The following CD300C variants were observed in gnomAD, a reference collection of about 807,000 sequenced individuals.
CD300C encodes the protein CMRF35-like molecule 6.
In CD300C, 11 loss-of-function variants were observed where a neutral mutation model predicts 18.4. The ratio of observed to expected loss-of-function variants is 0.60; its 90% CI spans 0.38 to 0.99. The LOEUF (loss-of-function observed/expected upper bound fraction) is 0.99, where lower values mean the gene tolerates loss of function less well. CD300C is among the 50% of genes least tolerant of loss of function. The pLI, the probability that CD300C is intolerant of heterozygous loss-of-function variation, is 0.01. For synonymous variants in CD300C, 116 were observed against 116.3 expected (o/e 1.00, Z 0.02); for missense variants, 277 against 287.4 (o/e 0.96, Z 0.26).
the CD300C span, among the ~76,000 whole-genome samples, chr17:74,534,764 A>G: frequency 6.6e-6 from 1 of 152,372 alleles, no homozygotes; most frequent in Admixed American, 6.5e-5. Flanking sequence ...TCACATTAAT[A>G]GAATAAAGAA....
At chr17:74,540,919 G>C (rs1908523687), downstream of CD300C, among the ~76,000 whole-genome samples, 1 of 152,160 alleles carries the variant, frequency 6.6e-6, no homozygotes, top group Non-Finnish European at 1.5e-5. Flanking sequence ...ACACTGGCCA[G>C]GATGTGTCTA....
chr17:74,537,597 C>G (rs1376407217), downstream of CD300C, among the ~76,000 whole-genome samples: 1 of 150,406 alleles, frequency 6.6e-6, no homozygotes, highest in Non-Finnish European at 1.5e-5. Flanking sequence ...CCACTGCACT[C>G]CAGCCTGGGT....
Position 74,544,822 on chromosome 17 carries a change from G to T in CD300C, c.187C>A (p.Leu63Ile), listed in dbSNP as rs1908694958. Residue 63 changes from leucine (L) to isoleucine (I), a missense_variant, in exon 2 of 4, where the codon CTC becomes ATC. Physicochemically the swap from Leu to Ile is conservative, Grantham distance 5. Transcript: ENST00000330793. ...GTCTCCACAATCTTGTCACATCGGA[G>T]AATCTGTGGTGGTCTGCACCAGAAT... ...NKFWCRPPQI[L>I]RCDKIVETKG... The T allele has an allele frequency of 1.2e-6, 2 of 1,614,122 alleles. No homozygotes were observed. Among genetic ancestry groups the T allele is most frequent in the Admixed American group, 1.7e-5 (1 of 60,010 alleles).
chr17:74,538,408 A>T (rs937598556), downstream of CD300C, among the ~76,000 whole-genome samples: 1 of 152,184 alleles, frequency 6.6e-6, no homozygotes, highest in East Asian at 1.9e-4. Context: ...GGACACGGTG[A>T]CAGGCAGTGA....
At position 74,541,650 on chromosome 17, in the gene CD300C, A is replaced by G; in HGVS notation, c.614T>C (p.Val205Ala). 1.2e-6 allele frequency: 2 copies of G among 1,613,932 alleles called. No individual in the cohort carries two copies. Among genetic ancestry groups the G allele is most frequent in the Non-Finnish European group, 1.7e-6 (2 of 1,179,870 alleles). Reference sequence around the variant, plus strand: ...TCTAGAGCTTCTCTGAGGTCTGTTCACCCAGAGGACGGCACCCAGCATGCT... The same window carrying G: ...TCTAGAGCTTCTCTGAGGTCTGTTCGCCCAGAGGACGGCACCCAGCATGCT... ...LLSMLGAVLWVNRPQRSSRSR... is the reference protein window; with the variant it reads ...LLSMLGAVLWANRPQRSSRSR... Residue 205 changes from valine to alanine, a missense_variant, in exon 4 of 4, where the codon GTG (valine) becomes GCG (alanine). Transcript: ENST00000330793.
At chr17:74,540,416 C>T (rs955946728), downstream of CD300C, among the ~76,000 whole-genome samples, 1 of 152,140 alleles carries the variant, frequency 6.6e-6, no homozygotes, top group Admixed American at 6.5e-5. Flanking sequence ...TTTCTATCCC[C>T]CACCTGGAAT....
intron 2 of CD300C, among the ~76,000 whole-genome samples, 158 bp from the exon 3 acceptor site, chr17:74,543,145 G>A (rs530695794): frequency 1.3e-5 from 2 of 152,348 alleles, no homozygotes; most frequent in East Asian, 3.9e-4. Context: ...GGCCTGACCA[G>A]GGTCCTGGGC....
downstream of CD300C, among the ~76,000 whole-genome samples, chr17:74,540,399 T>C (rs1433506097): frequency 6.6e-6 from 1 of 152,166 alleles, no homozygotes; most frequent in Non-Finnish European, 1.5e-5. Context: ...TTTGCATTTG[T>C]TTATCATTTC....
intron 1 of CD300C, among the ~76,000 whole-genome samples, chr17:74,545,247 TGTGA>T (rs781519438): frequency 2.6e-5 from 4 of 151,772 alleles, no homozygotes; most frequent in East Asian, 1.9e-4. Flanking sequence ...TGACTGTCTG[TGTGA>T]GTGTGACTGT....
At chr17:74,539,960 T>C (rs1908492295), downstream of CD300C, among the ~76,000 whole-genome samples, 1 of 152,228 alleles carries the variant, frequency 6.6e-6, no homozygotes, top group Non-Finnish European at 1.5e-5. Flanking sequence ...AACAAATTGC[T>C]TGTTGAATGA....
rs777381760 is a variant in CD300C, at chr17:74,541,622, G to A, written c.642C>T (p.Ser214=). Residue 214 remains serine, a synonymous_variant, in exon 4 of 4, where the codon AGC becomes AGT. Coordinates refer to ENST00000330793, the MANE Select transcript of CD300C (RefSeq NM_006678.5). ...WVNRPQRSSR[S]RQNWPKGENQ is the part of the protein sequence containing the mutation. The stretch of plus-strand genomic sequence containing the variant: ...TCTCACCCTTGGGCCAATTCTGCCT[G>A]CTTCTAGAGCTTCTCTGAGGTCTGT... 2 of 1,614,000 alleles carry A rather than the reference G, an allele frequency of 1.2e-6. No individual in the cohort carries two copies. Among genetic ancestry groups the A allele is most frequent in the Admixed American group, 1.7e-5 (1 of 60,022 alleles).
chr17:74,543,918 A>G (rs1908650824), intron 2 of CD300C, among the ~76,000 whole-genome samples: 1 of 152,062 alleles, frequency 6.6e-6, no homozygotes, highest in Non-Finnish European at 1.5e-5. Context: ...TCCTGTGGTA[A>G]AAGGTGCCAG....
chr17:74,537,170 G>A (rs1271047285), downstream of CD300C, among the ~76,000 whole-genome samples: 1 of 151,758 alleles, frequency 6.6e-6, no homozygotes, highest in Non-Finnish European at 1.5e-5. Flanking sequence ...GAGAGAGAAA[G>A]GATAGAGAAA....
At chr17:74,537,781 A>G (rs1440138399), downstream of CD300C, among the ~76,000 whole-genome samples, 2 of 152,190 alleles carry the variant, frequency 1.3e-5, no homozygotes, top group South Asian at 2.1e-4. Flanking sequence ...TTAAAACAAG[A>G]TGATGATGAA....
chr17:74,544,988 G>T (rs751133840), intron 1 of CD300C, 41 bp from the exon 2 acceptor site: 65 of 1,547,776 alleles, frequency 4.2e-5, no homozygotes, highest in Non-Finnish European at 5.5e-5. Flanking sequence ...TTACCAGAGG[G>T]GCCTGGTCAG....
rs1908551826 is a variant in CD300C, at chr17:74,541,652, C to A, written c.612G>T (p.Trp204Cys). The change falls in exon 4 of 4, where the codon TGG (tryptophan) becomes TGT (cysteine). Residue 204 changes from tryptophan to cysteine, a missense_variant. Coordinates refer to ENST00000330793, the MANE Select transcript of CD300C (RefSeq NM_006678.5). ...TAGAGCTTCTCTGAGGTCTGTTCACCCAGAGGACGGCACCCAGCATGCTCA... is the reference window on the plus strand; with the variant it reads ...TAGAGCTTCTCTGAGGTCTGTTCACACAGAGGACGGCACCCAGCATGCTCA... ...LLLSMLGAVL[W>C]VNRPQRSSRS... The A allele has an allele frequency of 6.2e-7, 1 of 1,613,986 alleles. No individual in the cohort carries two copies. The highest frequency in any genetic ancestry group is 1.3e-5 in the African/African-American group (1 of 75,002).
At chr17:74,541,878 A>G in intron 3 of CD300C, 142 bp from the exon 4 acceptor site, 2 of 826,386 alleles carry the variant, frequency 2.4e-6, no homozygotes, top group Non-Finnish European at 3.7e-6. Flanking sequence ...ATCCCGTCTC[A>G]GCATCACGGC....
downstream of CD300C, among the ~76,000 whole-genome samples, chr17:74,539,384 A>G (rs1013868663): frequency 5.9e-5 from 9 of 152,070 alleles, no homozygotes; most frequent in African/African-American, 2.2e-4. Context: ...CCACCTGCCC[A>G]GTGTTCAGGT....
At chr17:74,543,166 C>G (rs1908619345) in intron 2 of CD300C, among the ~76,000 whole-genome samples, 179 bp from the exon 3 acceptor site, 1 of 152,254 alleles carries the variant, frequency 6.6e-6, no homozygotes, top group Non-Finnish European at 1.5e-5. Flanking sequence ...CTCTCCTTGT[C>G]CCATCCCTAG....
Sources: gnomAD v4.1 joint callset for allele counts (sites outside exome capture counted in the v4.1 genomes callset) on GRCh38, gnomAD v4.1.1 for gene constraint, MANE v1.5 for transcripts, NCBI Gene and HGNC (gene_info 2026-07-23, HGNC 2026-07-21) for gene names.